Variants in TNNI3K observed in about 807,000 individuals in gnomAD.
TNNI3K encodes the protein serine/threonine-protein kinase TNNI3K.
In TNNI3K, 140 loss-of-function variants were observed where a neutral mutation model predicts 114.5. That is an observed-to-expected ratio of 1.22 (90% CI 1.07 to 1.41). TNNI3K has a LOEUF of 1.41. Ranked by LOEUF, TNNI3K falls within the 40% of genes most tolerant of loss-of-function variation. The pLI is 0.00. For synonymous variants in TNNI3K, 347 were observed against 347.5 expected, an observed-to-expected ratio of 1.00 and a Z score of 0.02; for missense variants, 1,125 against 1,007.6, an observed-to-expected ratio of 1.12 and a Z score of -1.58.
At chr1:74,494,001 AG>A (rs1342580156) in intron 23 of TNNI3K, among the ~76,000 whole-genome samples, 5 of 152,284 alleles carry the variant, frequency 3.3e-5, no homozygotes, top group Admixed American at 2.0e-4. Flanking sequence ...TACGGTTGTC[AG>A]GGGCCCCTGT....
chr1:74,327,572 A>AATATAT (rs901156522), intron 5 of TNNI3K, among the ~76,000 whole-genome samples: 3 of 146,020 alleles, frequency 2.1e-5, no homozygotes, highest in Non-Finnish European at 3.0e-5. Flanking sequence ...GTAGTTTTTT[A>AATATAT]ATATATATAT....
chr1:74,458,990 A>G (rs1023059983), intron 20 of TNNI3K, among the ~76,000 whole-genome samples: 5 of 152,148 alleles, frequency 3.3e-5, no homozygotes, highest in Admixed American at 2.0e-4. Context: ...GTTCCCACTT[A>G]TAGGTGAGAA....
chr1:74,340,562 G>C (rs1660701195), intron 7 of TNNI3K, among the ~76,000 whole-genome samples: 1 of 152,062 alleles, frequency 6.6e-6, no homozygotes, highest in Admixed American at 6.6e-5. Flanking sequence ...TTCTTTGATG[G>C]GAATAATGTT....
chr1:74,513,466 C>T (rs1168262174), intron 23 of TNNI3K, among the ~76,000 whole-genome samples: 1 of 152,226 alleles, frequency 6.6e-6, no homozygotes, highest in Non-Finnish European at 1.5e-5. Context: ...ACTTCAGACT[C>T]CTGCACATCT....
chr1:74,478,154 T>G (rs2100242387), intron 21 of TNNI3K, among the ~76,000 whole-genome samples: 1 of 152,314 alleles, frequency 6.6e-6, no homozygotes, highest in Non-Finnish European at 1.5e-5. Context: ...TCACCACACG[T>G]GTGCTTCAGA....
intron 23 of TNNI3K, among the ~76,000 whole-genome samples, chr1:74,517,421 C>G (rs1218072927): frequency 6.6e-6 from 1 of 152,202 alleles, no homozygotes; most frequent in Non-Finnish European, 1.5e-5. Flanking sequence ...AACCTTCAAA[C>G]ACTTACTTGA....
chr1:74,376,511 C>G (rs1662911577), intron 17 of TNNI3K: 1 of 151,978 alleles, frequency 6.6e-6, no homozygotes, highest in Admixed American at 6.6e-5. Context: ...TATAAAAGTC[C>G]TGCAAGAGAA....
chr1:74,249,600 G>T, intron 3 of TNNI3K, 56 bp downstream of exon 3: 5 of 1,545,964 alleles, frequency 3.2e-6, no homozygotes, highest in Non-Finnish European at 4.4e-6. Flanking sequence ...TATCGTCAGT[G>T]ACTTGAGCTG....
chr1:74,480,531 C>T (rs1409951636), intron 21 of TNNI3K: 2 of 717,344 alleles, frequency 2.8e-6, no homozygotes, highest in African/African-American at 3.5e-5. Flanking sequence ...GGCCGGAAGG[C>T]ATCTTTCCCA....
At chr1:74,297,920 C>A (rs1320817598) in intron 5 of TNNI3K, among the ~76,000 whole-genome samples, 1 of 152,092 alleles carries the variant, frequency 6.6e-6, no homozygotes, top group Non-Finnish European at 1.5e-5. Flanking sequence ...TGGAGAGTTT[C>A]AAAGAAGTTG....
At chr1:74,386,371 A>T (rs1663480504) in intron 17 of TNNI3K, among the ~76,000 whole-genome samples, 1 of 152,140 alleles carries the variant, frequency 6.6e-6, no homozygotes, top group Non-Finnish European at 1.5e-5. Flanking sequence ...ATTTATTCAG[A>T]GTAATGTGTT....
intron 5 of TNNI3K, among the ~76,000 whole-genome samples, chr1:74,306,250 TACC>T (rs1317276157): frequency 6.6e-6 from 1 of 152,234 alleles, no homozygotes; most frequent in African/African-American, 2.4e-5. Flanking sequence ...GGTACATATG[TACC>T]ACATTTTCTT....
At chr1:74,250,830 G>C (rs1654885551) in intron 4 of TNNI3K, 61 bp downstream of exon 4, 2 of 1,025,360 alleles carry the variant, frequency 2.0e-6, no homozygotes, top group African/African-American at 2.0e-5. Context: ...GTATCTTTAG[G>C]CTTTTTTTTT....
At chr1:74,362,853 A>T (rs116270478) in intron 11 of TNNI3K, among the ~76,000 whole-genome samples, 1 of 152,148 alleles carries the variant, frequency 6.6e-6, no homozygotes, top group Non-Finnish European at 1.5e-5. Context: ...GGACTGAAAG[A>T]GTGAGGAGCA....
intron 21 of TNNI3K, chr1:74,471,127 A>G (rs1667912236): frequency 5.0e-6 from 2 of 400,732 alleles, no homozygotes; most frequent in East Asian, 3.6e-5. Flanking sequence ...TCCATCAGGA[A>G]TGTGGCCAGC....
At chr1:74,434,756 G>A (rs1161189269) in intron 17 of TNNI3K, among the ~76,000 whole-genome samples, 1 of 151,920 alleles carries the variant, frequency 6.6e-6, no homozygotes, top group East Asian at 1.9e-4. Context: ...TCTACACTGC[G>A]CTACTGCAAG....
At chr1:74,494,741 C>T (rs1669243401) in intron 23 of TNNI3K, among the ~76,000 whole-genome samples, 1 of 152,132 alleles carries the variant, frequency 6.6e-6, no homozygotes, top group South Asian at 2.1e-4. Context: ...ATGACCTTGT[C>T]AAGTTATTTA....
At chr1:74,235,566 T>TATTCCAATGAGTTG in intron 1 of TNNI3K, 75 bp downstream of exon 1, 2 of 800,104 alleles carry the variant, frequency 2.5e-6, no homozygotes, top group Non-Finnish European at 4.0e-6. Flanking sequence ...TAACAACTCA[T>TATTCCAATGAGTTG]TGGAATATGT....
intron 17 of TNNI3K, among the ~76,000 whole-genome samples, chr1:74,403,859 G>A (rs1204067287): frequency 6.6e-6 from 1 of 152,162 alleles, no homozygotes; most frequent in Admixed American, 6.5e-5. Flanking sequence ...ATAATGAAGA[G>A]AGAGCTGAGT....
Sources: allele counts gnomAD v4.1 joint callset (sites outside exome capture counted in the v4.1 genomes callset), GRCh38; gene constraint gnomAD v4.1.1; transcripts MANE v1.5; gene names NCBI Gene and HGNC (gene_info 2026-07-23, HGNC 2026-07-21).